The following BRD4 variants were observed in gnomAD, a reference collection of about 807,000 sequenced individuals.
BRD4 encodes bromodomain-containing protein 4.
In BRD4, 16 loss-of-function variants were observed where a neutral mutation model predicts 142.1. That is an observed-to-expected ratio of 0.11 (90% CI 0.08 to 0.17). The LOEUF is 0.17. Among genes scored for constraint, BRD4 ranks in the 10% least tolerant of loss-of-function variants. BRD4 has a pLI of 1.00. For missense variants in BRD4, 1,424 were observed against 1,810.9 expected (o/e 0.79, Z 3.88); for synonymous variants, 833 against 707.5 (o/e 1.18, Z -2.82).
chr19:15,242,193 C>T (rs1351868540), intron 14 of BRD4, among the ~76,000 whole-genome samples: 1 of 152,008 alleles, frequency 6.6e-6, no homozygotes, highest in Non-Finnish European at 1.5e-5. Flanking sequence ...ACCCGGTACA[C>T]ACCCAAGACA....
At chr19:15,306,508 C>T (rs187894847) in intron 1 of BRD4, among the ~76,000 whole-genome samples, 10 of 152,108 alleles carry the variant, frequency 6.6e-5, no homozygotes, top group Middle Eastern at 3.2e-3. Context: ...TGTCCTCAAG[C>T]GATCCTCCCA....
chr19:15,241,123 C>T (rs575752772), intron 14 of BRD4, among the ~76,000 whole-genome samples: 17 of 152,258 alleles, frequency 1.1e-4, no homozygotes, highest in Non-Finnish European at 2.4e-4. Flanking sequence ...ATCCTGTCCC[C>T]GCAGCCCACT....
intron 1 of BRD4, among the ~76,000 whole-genome samples, chr19:15,323,404 C>T (rs1362378004): frequency 6.6e-6 from 1 of 152,114 alleles, no homozygotes; most frequent in African/African-American, 2.4e-5. Context: ...TGGCAGGTTC[C>T]ACCTCCATGT....
Position 15,243,232 on chromosome 19 carries a change from G to A in BRD4, c.2837C>T (p.Pro946Leu). 1 of 1,423,068 alleles carries A rather than the reference G, an allele frequency of 7.0e-7. No homozygotes were observed. Among genetic ancestry groups the A allele is most frequent in the Non-Finnish European group, 9.4e-7 (1 of 1,065,752 alleles). 88.2% of individuals were successfully genotyped at this position (1,423,068 alleles called of 1,614,324 possible). ...QKVQPPTPLL[P>L]SVKVQSQPPP... Reference sequence around the variant, plus strand: ...GGGCTGGGACTGCACCTTCACGGAAGGGAGTAGCGGCGTAGGGGGCTGCAC... The same window carrying A: ...GGGCTGGGACTGCACCTTCACGGAAAGGAGTAGCGGCGTAGGGGGCTGCAC... The change falls in exon 14 of 20, where the codon CCT becomes CTT. Residue 946 changes from proline to leucine, a missense_variant. This residue lies in a region of BRD4 where 598 missense variants were observed against 647.8 expected (regional missense o/e 0.92). Transcript: ENST00000679869.
intron 1 of BRD4, chr19:15,280,471 C>A: frequency 9.9e-7 from 1 of 1,009,674 alleles, no homozygotes; most frequent in Non-Finnish European, 1.2e-6. Context: ...GTAAACAAAT[C>A]AGAGCCAAGA....
At chr19:15,280,228 C>G in intron 1 of BRD4, 1 of 1,002,860 alleles carries the variant, frequency 1.0e-6, no homozygotes, top group Non-Finnish European at 1.2e-6. Flanking sequence ...ACAGTGTGTG[C>G]TTCAAGTCCT....
chr19:15,256,873 C>G (rs549039866), intron 8 of BRD4, 91 bp downstream of exon 8: 8 of 1,231,916 alleles, frequency 6.5e-6, no homozygotes, highest in Non-Finnish European at 8.9e-6. Context: ...CTTGGGAACT[C>G]AGAACCAAGA....
intron 1 of BRD4, among the ~76,000 whole-genome samples, chr19:15,282,251 A>G (rs1371581174): frequency 1.3e-5 from 2 of 152,250 alleles, no homozygotes; most frequent in Non-Finnish European, 2.9e-5. Flanking sequence ...ACTGGCCTGC[A>G]GGCCATAGTT....
chr19:15,267,468 G>C lies in BRD4; in HGVS notation c.507C>G (p.Thr169=). The change falls in exon 4 of 20, where the codon ACC becomes ACG. Residue 169 remains threonine (T), a synonymous_variant. Coordinates refer to ENST00000679869, the MANE Select transcript of BRD4 (RefSeq NM_001379291.1). The part of the protein sequence containing the change: ...QKINELPTEE[T]EIMIVQAKGR... ...CTTTTGCCTGGACTATCATGATCTC[G>C]GTTTCTTCTGTGGGTAGCTCATTTA... The C allele has an allele frequency of 6.2e-7, 1 of 1,614,050 alleles. No homozygotes were observed. The highest frequency in any genetic ancestry group is 8.5e-7 in the Non-Finnish European group (1 of 1,180,006).
chr19:15,315,515 G>GC (rs979190279), intron 1 of BRD4, among the ~76,000 whole-genome samples: 2 of 152,126 alleles, frequency 1.3e-5, no homozygotes, highest in African/African-American at 4.8e-5. Flanking sequence ...GGGATTGGGG[G>GC]GGGGAAGCAC....
In BRD4 at chr19:15,289,552, A is replaced by AAAAT. The variant is rs528874161; in HGVS notation, c.-34-16423_-34-16420dup. Among the ~76,000 whole-genome samples the AAAAT allele has an allele frequency of 6.0e-4, 91 of 152,212 alleles. 1 individual carries two copies. The South Asian group carries it at 8.1e-3, about 14-fold the overall frequency. On this transcript the variant is annotated intron_variant, in intron 1 of 19. Transcript: ENST00000679869. ...GGCAACAAGAGCGAAACTCCATCTT[A>AAAAT]AAATAAATAAATAAATAAATAAAAT...
intron 11 of BRD4, among the ~76,000 whole-genome samples, chr19:15,250,239 G>A (rs2047330303): frequency 6.6e-6 from 1 of 152,192 alleles, no homozygotes; most frequent in Admixed American, 6.5e-5. Context: ...GTTTGTGGGG[G>A]GAGTCACCTG....
intron 10 of BRD4, among the ~76,000 whole-genome samples, chr19:15,254,701 G>A (rs923371640): frequency 3.9e-5 from 6 of 152,018 alleles, no homozygotes; most frequent in African/African-American, 7.2e-5. Flanking sequence ...CTGTTCAGAC[G>A]CACGCTGGAA....
At position 15,306,601 on chromosome 19, in the gene BRD4, C is replaced by G. The variant is rs559820798; in HGVS notation, c.-35+25689G>C. Among the ~76,000 whole-genome samples the G allele has an allele frequency of 3.9e-5, 6 of 152,196 alleles. 1 individual carries two copies. The highest frequency in any genetic ancestry group is 2.0e-4 in the Admixed American group (3 of 15,256). On this transcript the variant is annotated intron_variant, in intron 1 of 19. Transcript: ENST00000679869. The stretch of plus-strand genomic sequence containing the variant: ...TTAGCTTCTGACTTGGTGTGAGAGA[C>G]GCGAGACCCTTCCTTTCATCTGAAC...
chr19:15,252,216 A>C (rs1165170318), intron 11 of BRD4, among the ~76,000 whole-genome samples: 1 of 152,218 alleles, frequency 6.6e-6, no homozygotes, highest in African/African-American at 2.4e-5. Context: ...GGCCATGATC[A>C]CACACTGGAA....
chr19:15,296,579 T>C (rs2047824725), intron 1 of BRD4, among the ~76,000 whole-genome samples: 1 of 152,144 alleles, frequency 6.6e-6, no homozygotes, highest in Admixed American at 6.5e-5. Flanking sequence ...CCAGTGTGTC[T>C]TTAGAGAGCA....
intron 11 of BRD4, among the ~76,000 whole-genome samples, chr19:15,249,609 C>G (rs971197527): frequency 6.6e-6 from 1 of 152,164 alleles, no homozygotes; most frequent in Non-Finnish European, 1.5e-5. Flanking sequence ...GAGCGCACGC[C>G]GGCATTTCCT....
At chr19:15,286,586 AT>A (rs1046584307) in intron 1 of BRD4, among the ~76,000 whole-genome samples, 3 of 152,158 alleles carry the variant, frequency 2.0e-5, no homozygotes, top group Admixed American at 6.5e-5. Flanking sequence ...AACGTGTAAC[AT>A]TTTTTTCCTT....
chr19:15,237,362 G>A lies in BRD4; in HGVS notation c.*1015C>T. 1 of 217,028 alleles carries A rather than the reference G, an allele frequency of 4.6e-6. No individual in the cohort carries two copies. The highest frequency in any genetic ancestry group is 9.2e-6 in the Non-Finnish European group (1 of 108,618). 13.4% of individuals were successfully genotyped at this position (217,028 alleles called of 1,614,324 possible). On this transcript the variant is annotated 3_prime_UTR_variant, in exon 20 of 20. Transcript: ENST00000679869. ...AATATAGGCAGGATTTTTTTTGTGT[G>A]TTTTGTCTTTTTGTGGATTTTTTTG... is the stretch of plus-strand genomic sequence containing the variant.
Sources: gnomAD v4.1 joint callset for allele counts (sites outside exome capture counted in the v4.1 genomes callset) on GRCh38, gnomAD v4.1.1 for gene constraint, gnomAD v4.1.1 regional missense constraint, MANE v1.5 for transcripts, NCBI Gene and HGNC (gene_info 2026-07-23, HGNC 2026-07-21) for gene names.